HPSE2: variants seen among roughly 807,000 people sequenced by gnomAD.
HPSE2 encodes heparanase 2 (inactive).
A neutral mutation model predicts 60.5 loss-of-function variants in HPSE2; 38 were observed. That is an observed-to-expected ratio of 0.63 (90% CI 0.48 to 0.82). The LOEUF (loss-of-function observed/expected upper bound fraction) is 0.82. Ranked by LOEUF, HPSE2 falls within the 40% of genes least tolerant of loss-of-function variation. The pLI is 0.00. For missense variants in HPSE2, 713 were observed against 740.4 expected, an observed-to-expected ratio of 0.96 and a Z score of 0.43; for synonymous variants, 295 against 293.2, an observed-to-expected ratio of 1.01 and a Z score of -0.06.
intron 9 of HPSE2, among the ~76,000 whole-genome samples, chr10:98,591,813 T>C (rs942451602): frequency 3.9e-5 from 6 of 152,212 alleles, no homozygotes; most frequent in African/African-American, 1.4e-4. Context: ...TTTCAATGTA[T>C]CAGCGCACGT....
intron 2 of HPSE2, among the ~76,000 whole-genome samples, chr10:99,229,942 C>T (rs1363117938): frequency 6.6e-6 from 1 of 152,156 alleles, no homozygotes; most frequent in Non-Finnish European, 1.5e-5. Flanking sequence ...ATACCAAGAA[C>T]ATTTTGCCTT....
chr10:99,022,967 G>A (rs1370596377), intron 3 of HPSE2, among the ~76,000 whole-genome samples: 1 of 152,078 alleles, frequency 6.6e-6, no homozygotes, highest in Non-Finnish European at 1.5e-5. Context: ...GAGAAAAACA[G>A]AGGGAAAAGT....
chr10:99,060,213 G>A (rs189570841), intron 3 of HPSE2, among the ~76,000 whole-genome samples: 1 of 152,148 alleles, frequency 6.6e-6, no homozygotes, highest in Admixed American at 6.5e-5. Context: ...TATATTTGGG[G>A]ACATATTTTT....
chr10:98,761,482 T>C (rs1456860847), intron 3 of HPSE2, among the ~76,000 whole-genome samples: 1 of 152,182 alleles, frequency 6.6e-6, no homozygotes, highest in Non-Finnish European at 1.5e-5. Flanking sequence ...TTCATTAAGA[T>C]CTTTCTTTTT....
At chr10:98,710,747 T>C (rs1948655957) in intron 5 of HPSE2, among the ~76,000 whole-genome samples, 1 of 152,192 alleles carries the variant, frequency 6.6e-6, no homozygotes, top group Non-Finnish European at 1.5e-5. Context: ...AACCCAATTC[T>C]GATTCTAAAG....
intron 3 of HPSE2, among the ~76,000 whole-genome samples, chr10:98,905,910 A>G (rs745780694): frequency 1.1e-4 from 17 of 152,190 alleles, no homozygotes; most frequent in Non-Finnish European, 2.5e-4. Flanking sequence ...TAGTGGATGT[A>G]TGTTGCACCC....
In HPSE2 at chr10:99,067,823, G is replaced by A. The variant is rs1383803091; in HGVS notation, c.610+76415C>T. Among the ~76,000 whole-genome samples, 6 of 152,144 alleles carry A rather than the reference G, an allele frequency of 3.9e-5. No individual in the cohort carries two copies. In the South Asian group the frequency reaches 1.0e-3, roughly 26 times the overall value. ...CTTCTTGTTAATTATGCAAATTTCT[G>A]CAGCAGGCTTGAATTTCTCCTCAGA... On this transcript the variant is annotated intron_variant, in intron 3 of 11. Transcript: ENST00000370552.
At chr10:98,780,942 C>G (rs1950451295) in intron 3 of HPSE2, among the ~76,000 whole-genome samples, 2 of 151,924 alleles carry the variant, frequency 1.3e-5, no homozygotes, top group Non-Finnish European at 2.9e-5. Flanking sequence ...TTAGTTTTGG[C>G]CAGTGGGATG....
At chr10:98,735,017 A>T (rs1190343732) in intron 4 of HPSE2, among the ~76,000 whole-genome samples, 1 of 152,094 alleles carries the variant, frequency 6.6e-6, no homozygotes, top group Non-Finnish European at 1.5e-5. Flanking sequence ...ACTGAAATCC[A>T]TAGTCTACAT....
At chr10:98,733,961 T>C (rs1262014371) in intron 4 of HPSE2, among the ~76,000 whole-genome samples, 3 of 152,228 alleles carry the variant, frequency 2.0e-5, no homozygotes, top group Non-Finnish European at 4.4e-5. Context: ...TTTTAGAACA[T>C]TTTAATAATC....
At chr10:99,295,974 C>A in the HPSE2 span, among the ~76,000 whole-genome samples, 1 of 152,180 alleles carries the variant, frequency 6.6e-6, no homozygotes, top group East Asian at 1.9e-4. Flanking sequence ...CCCCTGACTG[C>A]CTAAATCTAG....
intron 5 of HPSE2, among the ~76,000 whole-genome samples, chr10:98,701,354 A>G (rs1246754175): frequency 6.7e-6 from 1 of 149,466 alleles, no homozygotes; most frequent in Non-Finnish European, 1.5e-5. Flanking sequence ...CATGGATGAA[A>G]TTGGAAATCA....
intron 2 of HPSE2, among the ~76,000 whole-genome samples, chr10:99,153,734 A>C (rs1233391854): frequency 6.6e-6 from 1 of 152,262 alleles, no homozygotes; most frequent in Non-Finnish European, 1.5e-5. Context: ...CACCAGCAAC[A>C]GAACAAAGCT....
At position 98,492,395 on chromosome 10, in the gene HPSE2, G is replaced by A. The variant is rs533070725; in HGVS notation, c.1321-2199C>T. Among the ~76,000 whole-genome samples, 236 of 151,822 alleles carry A rather than the reference G, an allele frequency of 1.6e-3. 1 individual carries two copies. The highest frequency in any genetic ancestry group is 5.4e-3 in the African/African-American group (223 of 41,402). ...TGGGCGCCTGTAGTCCCAGCTACTC[G>A]GGAGGCTGAGGCAGGAGAATGGCGT... On this transcript the variant is annotated intron_variant, in intron 9 of 11. Coordinates refer to ENST00000370552, the MANE Select transcript of HPSE2 (RefSeq NM_021828.5).
intron 6 of HPSE2, among the ~76,000 whole-genome samples, chr10:98,675,720 T>C (rs1196035322): frequency 2.0e-5 from 3 of 152,072 alleles, no homozygotes; most frequent in Middle Eastern, 3.4e-3. Flanking sequence ...GGTGACAGCA[T>C]AAGACCCCTA....
intron 3 of HPSE2, among the ~76,000 whole-genome samples, chr10:99,071,032 G>C (rs947833987): frequency 6.6e-6 from 1 of 151,628 alleles, no homozygotes; most frequent in Non-Finnish European, 1.5e-5. Context: ...ATGCAGAAGT[G>C]GGATTGCTAG....
At chr10:98,646,247 G>A (rs1946765743) in intron 6 of HPSE2, among the ~76,000 whole-genome samples, 1 of 151,988 alleles carries the variant, frequency 6.6e-6, no homozygotes, top group Non-Finnish European at 1.5e-5. Context: ...AGGAGATGGA[G>A]TAGTCTGTGG....
intron 1 of HPSE2, among the ~76,000 whole-genome samples, chr10:99,233,469 A>C (rs1169763760): frequency 1.3e-5 from 2 of 152,224 alleles, no homozygotes; most frequent in Non-Finnish European, 2.9e-5. Flanking sequence ...ATTTCCATCA[A>C]TAGGTTTTTT....
At chr10:99,143,406 C>G (rs1845935458) in intron 3 of HPSE2, among the ~76,000 whole-genome samples, 1 of 152,142 alleles carries the variant, frequency 6.6e-6, no homozygotes, top group Admixed American at 6.5e-5. Context: ...GTGAGATGTT[C>G]ATAGCCTGTC....
Sources: gnomAD v4.1 joint callset for allele counts (sites outside exome capture counted in the v4.1 genomes callset) on GRCh38, gnomAD v4.1.1 for gene constraint, MANE v1.5 for transcripts, NCBI Gene and HGNC (gene_info 2026-07-23, HGNC 2026-07-21) for gene names.